The following CREB5 variants were observed in gnomAD, a reference collection of about 807,000 sequenced individuals.
The protein encoded by CREB5 is cAMP responsive element binding protein 5.
A neutral mutation model predicts 57.1 loss-of-function variants in CREB5; 19 were observed. The observed-to-expected ratio is 0.33, with a 90% CI of 0.23 to 0.49. The LOEUF (loss-of-function observed/expected upper bound fraction) is 0.49. CREB5 is among the 20% of genes least tolerant of loss of function. The pLI is 0.99. For missense variants in CREB5, 579 were observed against 671.6 expected, an observed-to-expected ratio of 0.86 and a Z score of 1.52; for synonymous variants, 238 against 238.3, an observed-to-expected ratio of 1.00 and a Z score of 0.01.
intron 7 of CREB5, among the ~76,000 whole-genome samples, chr7:28,797,599 T>C (rs188904287): frequency 2.0e-5 from 3 of 152,342 alleles, no homozygotes; most frequent in Admixed American, 2.0e-4. Context: ...ATGAAAGTTT[T>C]AAAAGGAATA....
rs569231308 is a variant in CREB5, at chr7:28,794,575, G to C, written c.703-9624G>C. ...CTTAAGGAGCTCGGCAGCCGGAAAG[G>C]AACAGCGGATCTCTAATATCTCACC... On this transcript the variant is annotated intron_variant, in intron 7 of 10. Transcript: ENST00000357727. Among the ~76,000 whole-genome samples the C allele has an allele frequency of 8.5e-4, 129 of 152,314 alleles. 2 individuals carry two copies. The highest frequency in any genetic ancestry group is 3.0e-3 in the African/African-American group (123 of 41,574).
intron 5 of CREB5, among the ~76,000 whole-genome samples, chr7:28,701,269 C>T (rs1801844885): frequency 6.6e-6 from 1 of 152,074 alleles, no homozygotes; most frequent in Non-Finnish European, 1.5e-5. Flanking sequence ...GAAGCCCAGC[C>T]CTTCTCTGCA....
intron 5 of CREB5, among the ~76,000 whole-genome samples, chr7:28,626,936 A>C (rs1415622409): frequency 6.6e-6 from 1 of 152,186 alleles, no homozygotes; most frequent in Non-Finnish European, 1.5e-5. Flanking sequence ...GATGTGATAC[A>C]GGGGTTTTTT....
At chr7:28,627,570 A>T (rs532313087) in intron 5 of CREB5, among the ~76,000 whole-genome samples, 25 of 152,316 alleles carry the variant, frequency 1.6e-4, no homozygotes, top group African/African-American at 5.5e-4. Flanking sequence ...TGGCTCAGAA[A>T]TAAGTAAAAT....
In CREB5 at chr7:28,777,197, G is replaced by A. The variant is rs375561136; in HGVS notation, c.703-27002G>A. Among the ~76,000 whole-genome samples, 5 of 152,264 alleles carry A rather than the reference G, an allele frequency of 3.3e-5. No homozygotes were observed. The South Asian group carries it at 1.0e-3, about 32-fold the overall frequency. On this transcript the variant is annotated intron_variant, in intron 7 of 10. Coordinates refer to ENST00000357727, the MANE Select transcript of CREB5 (RefSeq NM_182898.4). Reference sequence around the variant, plus strand: ...ACTCAACACCCCAAAGACATTTCTAGCTTAATTGTCTTCATTGTGGTCCTC... The same window carrying A: ...ACTCAACACCCCAAAGACATTTCTAACTTAATTGTCTTCATTGTGGTCCTC...
intron 5 of CREB5, among the ~76,000 whole-genome samples, chr7:28,680,984 C>A (rs1042375518): frequency 1.3e-5 from 2 of 152,116 alleles, no homozygotes; most frequent in African/African-American, 2.4e-5. Flanking sequence ...ACCTCAAGTT[C>A]CAATTTCCCT....
At chr7:28,580,429 C>CCACA (rs70977058) in intron 5 of CREB5, among the ~76,000 whole-genome samples, 10,723 of 130,754 alleles carry the variant, frequency 0.082, 495 homozygotes, top group Non-Finnish European at 0.091. Context: ...TCCCCCCCCA[C>CCACA]CACACACACA....
chr7:28,738,966 A>G (rs1804188489), intron 7 of CREB5, among the ~76,000 whole-genome samples: 1 of 152,234 alleles, frequency 6.6e-6, no homozygotes, highest in South Asian at 2.1e-4. Flanking sequence ...ACAATGATAA[A>G]TAAGCTATAA....
intron 1 of CREB5, among the ~76,000 whole-genome samples, chr7:28,483,301 G>A (rs1003624801): frequency 6.6e-6 from 1 of 152,192 alleles, no homozygotes; most frequent in Non-Finnish European, 1.5e-5. Context: ...AATTTGTGGG[G>A]TCAGACACTG....
In CREB5 at chr7:28,566,236, C is replaced by T. The variant is rs537848689; in HGVS notation, c.292-4129C>T. Among the ~76,000 whole-genome samples, 11 of 152,370 alleles carry T rather than the reference C, an allele frequency of 7.2e-5. No homozygotes were observed. In the South Asian group the frequency reaches 1.7e-3, roughly 23 times the overall value. On this transcript the variant is annotated intron_variant, in intron 4 of 10. Coordinates refer to ENST00000357727, the MANE Select transcript of CREB5 (RefSeq NM_182898.4). Reference sequence around the variant, plus strand: ...ATGTTAGCATTTTTGGAGGCCAGATCATACAGTTGGCTCAAGTAAAACCTG... The same window carrying T: ...ATGTTAGCATTTTTGGAGGCCAGATTATACAGTTGGCTCAAGTAAAACCTG...
intron 6 of CREB5, among the ~76,000 whole-genome samples, chr7:28,722,168 G>C (rs1803066690): frequency 6.6e-6 from 1 of 152,198 alleles, no homozygotes; most frequent in Admixed American, 6.5e-5. Context: ...TCACAGGTTA[G>C]GTAGAGACTA....
chr7:28,802,722 T>C (rs1808447147), intron 7 of CREB5, among the ~76,000 whole-genome samples: 1 of 152,258 alleles, frequency 6.6e-6, no homozygotes, highest in Non-Finnish European at 1.5e-5. Flanking sequence ...TTGAAGAAAC[T>C]GGGACTAAGC....
chr7:28,426,998 C>A (rs1788534602), intron 1 of CREB5, among the ~76,000 whole-genome samples: 1 of 152,090 alleles, frequency 6.6e-6, no homozygotes, highest in Non-Finnish European at 1.5e-5. Context: ...TCCTGGAGGA[C>A]CACCCTAGGA....
At position 28,818,072 on chromosome 7, in the gene CREB5, A is replaced by G. The variant is rs748102647; in HGVS notation, c.1256A>G (p.Asn419Ser). ...ELTQTNMQLQ[N>S]EVSMLKNEVA... ...GGTTTTAATACATATCTCTTTTAGA[A>G]TGAAGTGTCTATGTTGAAAAATGAG... The change falls in exon 10 of 11, where the codon AAT becomes AGT. Residue 419 changes from asparagine to serine, a missense_variant and splice_region_variant. By Grantham distance (46) the Asn-to-Ser change is conservative. This residue lies in a region of CREB5 where 114 missense variants were observed against 130.8 expected (regional missense o/e 0.87). Transcript: ENST00000357727. 1.2e-6 allele frequency: 2 copies of G among 1,612,356 alleles called. No homozygotes were observed. The highest frequency in any genetic ancestry group is 8.5e-7 in the Non-Finnish European group (1 of 1,178,758).
At chr7:28,796,030 G>GGT (rs1562646727) in intron 7 of CREB5, among the ~76,000 whole-genome samples, 1 of 152,112 alleles carries the variant, frequency 6.6e-6, no homozygotes, top group Non-Finnish European at 1.5e-5. Context: ...TGGGATTACA[G>GGT]GTGTGAGGCA....
chr7:28,445,764 G>A (rs1405065684), intron 1 of CREB5, among the ~76,000 whole-genome samples: 2 of 151,622 alleles, frequency 1.3e-5, no homozygotes, highest in Non-Finnish European at 2.9e-5. Context: ...TGTTAGCCAG[G>A]ATGATCTCGA....
At chr7:28,812,966 T>C (rs1392658708) in intron 9 of CREB5, among the ~76,000 whole-genome samples, 1 of 152,176 alleles carries the variant, frequency 6.6e-6, no homozygotes, top group Non-Finnish European at 1.5e-5. Context: ...CATTTCAGAT[T>C]GGAAAAACCA....
intron 1 of CREB5, among the ~76,000 whole-genome samples, chr7:28,461,001 C>T (rs1237132146): frequency 6.6e-6 from 1 of 151,804 alleles, no homozygotes; most frequent in Non-Finnish European, 1.5e-5. Flanking sequence ...CCAGCCTGGG[C>T]AACACAGTGA....
At chr7:28,634,282 T>C (rs1246082787) in intron 5 of CREB5, among the ~76,000 whole-genome samples, 3 of 152,192 alleles carry the variant, frequency 2.0e-5, no homozygotes, top group Admixed American at 6.5e-5. Flanking sequence ...GCTTCAATTA[T>C]GTCACTTCCC....
Sources: allele counts gnomAD v4.1 joint callset (sites outside exome capture counted in the v4.1 genomes callset), GRCh38; gene constraint gnomAD v4.1.1; regional missense constraint gnomAD v4.1.1; transcripts MANE v1.5; gene names NCBI Gene and HGNC (gene_info 2026-07-23, HGNC 2026-07-21).